DCC: variants seen among roughly 807,000 people sequenced by gnomAD.
DCC encodes netrin receptor DCC.
DCC carries 58 observed loss-of-function variants against 172.5 expected under a neutral mutation model. The ratio of observed to expected loss-of-function variants is 0.34; its 90% CI spans 0.27 to 0.42. The LOEUF is 0.42. DCC is among the 10% of genes least tolerant of loss of function. DCC has a pLI of 1.00. For synonymous variants in DCC, 709 were observed against 644.5 expected (o/e 1.10, Z -1.52); for missense variants, 1,740 against 1,791.0 (o/e 0.97, Z 0.51).
intron 5 of DCC, among the ~76,000 whole-genome samples, chr18:52,975,462 A>T (rs1259894743): frequency 1.3e-5 from 2 of 152,108 alleles, no homozygotes; most frequent in Admixed American, 6.5e-5. Flanking sequence ...CATCACAGCT[A>T]TTAAGACTGA....
intron 1 of DCC, among the ~76,000 whole-genome samples, chr18:52,375,370 C>G (rs1163319436): frequency 6.6e-6 from 1 of 152,056 alleles, no homozygotes. Context: ...ATTAACAAAC[C>G]AAATCTGCTC....
At chr18:53,149,083 G>T (rs1184008620) in intron 7 of DCC, among the ~76,000 whole-genome samples, 1 of 151,676 alleles carries the variant, frequency 6.6e-6, no homozygotes, top group African/African-American at 2.4e-5. Flanking sequence ...GGCTAGTCTT[G>T]AACTCCTGAC....
Position 52,611,229 on chromosome 18 carries a change from C to T in DCC, c.92-140825C>T, listed in dbSNP as rs181583462. On this transcript the variant is annotated intron_variant, in intron 1 of 28. Coordinates refer to ENST00000442544, the MANE Select transcript of DCC (RefSeq NM_005215.4). ...CTTTCCCAGGTGTGTGCCTATACCCCGCACCTGGAAGAAAACTCCCTCCCT... is the reference window on the plus strand; with the variant it reads ...CTTTCCCAGGTGTGTGCCTATACCCTGCACCTGGAAGAAAACTCCCTCCCT... Among the ~76,000 whole-genome samples the T allele has an allele frequency of 9.2e-5, 14 of 152,146 alleles. No individual in the cohort carries two copies. The East Asian group carries it at 9.7e-4, about 11-fold the overall frequency.
At chr18:52,568,700 C>T (rs554483923) in intron 1 of DCC, among the ~76,000 whole-genome samples, 1 of 151,844 alleles carries the variant, frequency 6.6e-6, no homozygotes, top group African/African-American at 2.4e-5. Flanking sequence ...ACACACACAC[C>T]CCCACACTTC....
chr18:52,692,184 A>T (rs528418246), intron 1 of DCC, among the ~76,000 whole-genome samples: 24 of 152,264 alleles, frequency 1.6e-4, no homozygotes, highest in Non-Finnish European at 1.5e-5. Flanking sequence ...CAAACTAAAA[A>T]CAGTAATGAT....
intron 10 of DCC, among the ~76,000 whole-genome samples, chr18:53,206,209 A>G (rs1304040128): frequency 4.9e-5 from 1 of 20,580 alleles, no homozygotes; most frequent in Admixed American, 5.7e-4. Context: ...TATAATACAT[A>G]TACATGTGTA....
rs572450361 is a variant in DCC at position 52,448,871 on chromosome 18, G to A, written c.91+107993G>A. Among the ~76,000 whole-genome samples the A allele has an allele frequency of 1.8e-4, 28 of 152,320 alleles. No homozygotes were observed. The South Asian group carries it at 3.7e-3, about 20-fold the overall frequency. On this transcript the variant is annotated intron_variant, in intron 1 of 28. Coordinates refer to ENST00000442544, the MANE Select transcript of DCC (RefSeq NM_005215.4). ...TAAAATGATTTTGGAAAATAGTTTC[G>A]TGGGATGTAAGGTGAAGAAATTAAC... is the stretch of plus-strand genomic sequence containing the variant.
intron 3 of DCC, among the ~76,000 whole-genome samples, chr18:52,908,779 T>C (rs1323874019): frequency 6.6e-6 from 1 of 152,216 alleles, no homozygotes. Flanking sequence ...TGTGAGCATT[T>C]CTTAGCTGAA....
At chr18:53,054,963 A>G (rs1346590718) in intron 5 of DCC, among the ~76,000 whole-genome samples, 3 of 152,144 alleles carry the variant, frequency 2.0e-5, no homozygotes, top group African/African-American at 7.2e-5. Flanking sequence ...TGCAATTGGT[A>G]TGAACTTTAG....
chr18:53,277,741 C>T (rs1342918996), intron 12 of DCC, among the ~76,000 whole-genome samples: 1 of 152,080 alleles, frequency 6.6e-6, no homozygotes, highest in Non-Finnish European at 1.5e-5. Context: ...CTCCACAGTG[C>T]CTCAGCCACA....
intron 2 of DCC, among the ~76,000 whole-genome samples, chr18:52,821,132 C>T (rs2038398586): frequency 6.6e-6 from 1 of 152,120 alleles, no homozygotes; most frequent in Non-Finnish European, 1.5e-5. Flanking sequence ...TTTCTAGTTA[C>T]CAAAGAAAGT....
At chr18:52,446,904 AGAGAC>A (rs1289779294) in intron 1 of DCC, among the ~76,000 whole-genome samples, 21 of 152,244 alleles carry the variant, frequency 1.4e-4, no homozygotes, top group African/African-American at 5.1e-4. Context: ...TAATGCCCAG[AGAGAC>A]ATTTCAATTC....
At chr18:52,706,629 C>T (rs1308257983) in intron 1 of DCC, among the ~76,000 whole-genome samples, 1 of 152,120 alleles carries the variant, frequency 6.6e-6, no homozygotes, top group African/African-American at 2.4e-5. Flanking sequence ...TCAGTTCAAG[C>T]ATTGCCCGAA....
chr18:52,472,301 C>A (rs1421252361), intron 1 of DCC, among the ~76,000 whole-genome samples: 1 of 152,136 alleles, frequency 6.6e-6, no homozygotes. Flanking sequence ...ACCCAGCTTC[C>A]TTCCCTTTTC....
chr18:53,413,348 G>T lies in DCC; in HGVS notation c.3130+2702G>T, dbSNP rs549646631. On this transcript the variant is annotated intron_variant, in intron 20 of 28. Transcript: ENST00000442544. ...ACCAGTATAGAAAAAAGTTCTAGTCGTCAAATTCTTTTATGACAAAAATAC... is the reference window on the plus strand; with the variant it reads ...ACCAGTATAGAAAAAAGTTCTAGTCTTCAAATTCTTTTATGACAAAAATAC... 2.0e-5 allele frequency among the ~76,000 whole-genome samples: 3 copies of T among 152,218 alleles called. No individual in the cohort carries two copies. The East Asian group carries it at 5.8e-4, about 29-fold the overall frequency.
chr18:53,270,374 G>A (rs764698360), intron 12 of DCC, among the ~76,000 whole-genome samples: 7 of 152,030 alleles, frequency 4.6e-5, no homozygotes, highest in Non-Finnish European at 8.8e-5. Context: ...GTTTTTGGGG[G>A]AGGGGGAAAA....
intron 2 of DCC, among the ~76,000 whole-genome samples, chr18:52,808,734 T>A (rs1012551443): frequency 6.6e-6 from 1 of 152,210 alleles, no homozygotes; most frequent in African/African-American, 2.4e-5. Flanking sequence ...GAAATTCTTA[T>A]GATTGATTCT....
In DCC at chr18:52,906,146, A is replaced by G; in HGVS notation, c.515A>G (p.His172Arg). 1.9e-6 allele frequency: 3 copies of G among 1,614,026 alleles called. No individual in the cohort carries two copies. Among genetic ancestry groups the G allele is most frequent in the Non-Finnish European group, 2.5e-6 (3 of 1,179,986 alleles). ...EVIGEPMPTI[H>R]WQKNQQDLTP... ...ATTGGGGAGCCCATGCCAACAATCCACTGGCAGAAGAACCAACAAGACCTG... is the reference window on the plus strand; with the variant it reads ...ATTGGGGAGCCCATGCCAACAATCCGCTGGCAGAAGAACCAACAAGACCTG... Residue 172 changes from histidine to arginine, a missense_variant, in exon 3 of 29, where the codon CAC (histidine) becomes CGC (arginine). His to Arg is a conservative substitution (Grantham distance 29). This residue lies in a region of DCC where 1,732 missense variants were observed against 1,767.4 expected (regional missense o/e 0.98). Coordinates refer to ENST00000442544, the MANE Select transcript of DCC (RefSeq NM_005215.4).
chr18:52,759,006 T>A (rs2037117960), intron 2 of DCC: 1 of 152,230 alleles, frequency 6.6e-6, no homozygotes, highest in South Asian at 2.1e-4. Context: ...GACTTAATGA[T>A]CTTCATTTAG....
Sources: allele counts gnomAD v4.1 joint callset (sites outside exome capture counted in the v4.1 genomes callset), GRCh38; gene constraint gnomAD v4.1.1; regional missense constraint gnomAD v4.1.1; transcripts MANE v1.5; gene names NCBI Gene and HGNC (gene_info 2026-07-23, HGNC 2026-07-21).